Variants in MATN3 observed in about 807,000 individuals in gnomAD.
MATN3 encodes the protein matrilin 3, also known as matrilin-3.
MATN3 carries 48 observed loss-of-function variants against 45.3 expected under a neutral mutation model. The ratio of observed to expected loss-of-function variants is 1.06; its 90% CI spans 0.84 to 1.35. MATN3 has a LOEUF of 1.35. Ranked by LOEUF, MATN3 falls within the 40% of genes most tolerant of loss-of-function variation. The pLI, the probability that MATN3 is intolerant of heterozygous loss-of-function variation, is 0.00. For missense variants in MATN3, 599 were observed against 628.0 expected, an observed-to-expected ratio of 0.95 and a Z score of 0.49; for synonymous variants, 217 against 245.9, an observed-to-expected ratio of 0.88 and a Z score of 1.10.
At chr2:19,994,022 A>G (rs1337556998) in intron 7 of MATN3, among the ~76,000 whole-genome samples, 1 of 152,224 alleles carries the variant, frequency 6.6e-6, no homozygotes, top group Non-Finnish European at 1.5e-5. Context: ...TAAATGTTCC[A>G]TCTGTTATGT....
chr2:19,997,996 A>T (rs1169857096), intron 5 of MATN3: 1 of 152,218 alleles, frequency 6.6e-6, no homozygotes, highest in East Asian at 1.9e-4. Context: ...TTTGAAATCC[A>T]GAAAGCCTTC....
intron 6 of MATN3, among the ~76,000 whole-genome samples, chr2:19,996,209 T>A (rs1266493524): frequency 2.0e-5 from 3 of 152,044 alleles, no homozygotes; most frequent in African/African-American, 7.2e-5. Context: ...AATTGAAAGT[T>A]GAGAAATGGA....
At chr2:19,996,433 C>T (rs779529800) in intron 6 of MATN3, among the ~76,000 whole-genome samples, 65 of 152,244 alleles carry the variant, frequency 4.3e-4, no homozygotes, top group Middle Eastern at 6.8e-3. Flanking sequence ...AAAGATGCCT[C>T]ACCTCATTAG....
rs184346062 is a variant in MATN3, at chr2:19,994,161, A to G, written c.1405+138T>C. The G allele has an allele frequency of 2.1e-3, 1,237 of 592,052 alleles. 2 individuals carry two copies. Among genetic ancestry groups the G allele is most frequent in the Non-Finnish European group, 2.9e-3 (954 of 330,984 alleles). 36.7% of individuals were successfully genotyped at this position (592,052 alleles called of 1,614,324 possible). ...ATTAGAAAAGAACTCTAAATTTTTT[A>G]AAGTTGTATATTACCACTGCTCATA... On this transcript the variant is annotated intron_variant, in intron 7 of 7. Coordinates refer to ENST00000407540, the MANE Select transcript of MATN3 (RefSeq NM_002381.5).
At chr2:20,008,029 C>A (rs1673146134) in intron 1 of MATN3, among the ~76,000 whole-genome samples, 1 of 152,184 alleles carries the variant, frequency 6.6e-6, no homozygotes, top group Non-Finnish European at 1.5e-5. Flanking sequence ...GTGGTGCAAT[C>A]TTGGCTCACT....
intron 1 of MATN3, among the ~76,000 whole-genome samples, chr2:20,010,153 T>A (rs1049273975): frequency 6.7e-6 from 1 of 148,694 alleles, no homozygotes; most frequent in African/African-American, 2.5e-5. Flanking sequence ...AGAAGAATTA[T>A]GTTGAAAATC....
intron 2 of MATN3, among the ~76,000 whole-genome samples, chr2:20,003,759 G>T (rs1215479553): frequency 6.6e-6 from 1 of 152,114 alleles, no homozygotes; most frequent in African/African-American, 2.4e-5. Context: ...CACAAGTCTG[G>T]GTCTAAGCCT....
chr2:20,008,115 AC>A (rs1275977486), intron 1 of MATN3, among the ~76,000 whole-genome samples: 1 of 152,142 alleles, frequency 6.6e-6, no homozygotes, highest in Non-Finnish European at 1.5e-5. Flanking sequence ...GGTGTGCGCC[AC>A]CACACCCAGC....
At chr2:20,010,606 G>C (rs902601751) in intron 1 of MATN3, among the ~76,000 whole-genome samples, 6 of 152,250 alleles carry the variant, frequency 3.9e-5, no homozygotes, top group African/African-American at 1.4e-4. Context: ...TGCTTTAGCT[G>C]GCTCTGAAAA....
chr2:19,992,582 ATCACATCT>A lies in MATN3; in HGVS notation c.*521_*528del, dbSNP rs1672778764. 6.5e-6 allele frequency: 1 copy of A among 154,452 alleles called. No individual in the cohort carries two copies. Among genetic ancestry groups the A allele is most frequent in the South Asian group, 2.0e-4 (1 of 4,928 alleles). 9.6% of individuals were successfully genotyped at this position (154,452 alleles called of 1,614,324 possible). ...TAGATATGTGTATTACAATCTATTGATCACATCTTCAATAATACTCCAACAAAATAAGC... is the reference window on the plus strand; with the variant it reads ...TAGATATGTGTATTACAATCTATTGATCAATAATACTCCAACAAAATAAGC... On this transcript the variant is annotated 3_prime_UTR_variant, in exon 8 of 8. Coordinates refer to ENST00000407540, the MANE Select transcript of MATN3 (RefSeq NM_002381.5).
At chr2:19,997,323 T>A in intron 5 of MATN3, 64 bp from the exon 6 acceptor site, 1 of 1,492,996 alleles carries the variant, frequency 6.7e-7, no homozygotes. Flanking sequence ...AACACAAATG[T>A]TTGAGAGGAG....
chr2:20,004,823 A>G (rs1673064548), intron 2 of MATN3, among the ~76,000 whole-genome samples: 1 of 152,224 alleles, frequency 6.6e-6, no homozygotes, highest in South Asian at 2.1e-4. Flanking sequence ...TTGCAAAAAG[A>G]TATCTATGTT....
At chr2:20,003,344 G>C in intron 2 of MATN3, 58 bp from the exon 3 acceptor site, 1 of 1,493,296 alleles carries the variant, frequency 6.7e-7, no homozygotes, top group South Asian at 1.4e-5. Context: ...CTCAGATACC[G>C]TCTCCCATGT....
At chr2:20,007,565 T>C (rs1474188689) in intron 1 of MATN3, among the ~76,000 whole-genome samples, 1 of 152,222 alleles carries the variant, frequency 6.6e-6, no homozygotes. Context: ...CAACTTAATC[T>C]TGTATCTGTT....
intron 5 of MATN3, among the ~76,000 whole-genome samples, chr2:19,998,772 A>AG (rs1672928152): frequency 7.5e-6 from 1 of 133,232 alleles, no homozygotes; most frequent in African/African-American, 2.8e-5. Flanking sequence ...GAGAAGAAAA[A>AG]AAAATATATA....
In MATN3 at chr2:20,012,431, C is replaced by G; in HGVS notation, c.201G>C (p.Glu67Asp). ...TACCTGCACCGCGGGCGCGGCCAGG[C>G]TCGCTGGTCCCGGAAGCGGGCGCGC... ...PDGAPASGTS[E>D]PGRARGAGVC... The change falls in exon 1 of 8, where the codon GAG becomes GAC. Residue 67 changes from glutamate to aspartate, a missense_variant. Physicochemically the swap from Glu to Asp is conservative, Grantham distance 45. Coordinates refer to ENST00000407540, the MANE Select transcript of MATN3 (RefSeq NM_002381.5). This position sits in a 1 kb window ranked among gnomAD's most constrained non-coding sequence, Gnocchi z 4.3. The G allele has an allele frequency of 8.1e-7, 1 of 1,229,456 alleles. No individual in the cohort carries two copies. The highest frequency in any genetic ancestry group is 1.0e-6 in the Non-Finnish European group (1 of 986,510). 76.2% of individuals were successfully genotyped at this position (1,229,456 alleles called of 1,614,324 possible). A position where few individuals can be genotyped will look rare whatever the true frequency, so the allele number is the denominator to read the frequency against.
Position 20,012,295 on chromosome 2 carries a change from G to C in MATN3, c.223+114C>G, listed in dbSNP as rs1673232242. On this transcript the variant is annotated intron_variant, in intron 1 of 7. Coordinates refer to ENST00000407540, the MANE Select transcript of MATN3 (RefSeq NM_002381.5). This position sits in a 1 kb window ranked among gnomAD's most constrained non-coding sequence, Gnocchi z 4.3. ...CCCCCACAGGATTCATCCGGGAGGG[G>C]CCTCTTTCCCCCGCACCACGGTCGG... The C allele has an allele frequency of 4.0e-6, 3 of 748,316 alleles. No individual in the cohort carries two copies. Among genetic ancestry groups the C allele is most frequent in the African/African-American group, 1.8e-5 (1 of 54,826 alleles). The allele number at this position is 748,316 out of a possible 1,614,324, so 46.4% of individuals were successfully genotyped here.
intron 6 of MATN3, among the ~76,000 whole-genome samples, 199 bp downstream of exon 6, chr2:19,996,935 A>G (rs1433161283): frequency 6.6e-6 from 1 of 152,244 alleles, no homozygotes; most frequent in African/African-American, 2.4e-5. Flanking sequence ...TGTGAAAAAC[A>G]GAGAAGACAG....
chr2:19,994,258 T>C (rs532878508), intron 7 of MATN3, 41 bp downstream of exon 7: 12 of 1,347,994 alleles, frequency 8.9e-6, no homozygotes, highest in East Asian at 4.7e-5. Flanking sequence ...AGTACCTTGG[T>C]TGGCTCCAGG....
Sources: gnomAD v4.1 joint callset for allele counts (sites outside exome capture counted in the v4.1 genomes callset) on GRCh38, gnomAD v4.1.1 for gene constraint, Gnocchi (gnomAD v3.1) non-coding constraint, MANE v1.5 for transcripts, NCBI Gene and HGNC (gene_info 2026-07-23, HGNC 2026-07-21) for gene names.